THSD7A: variants seen among roughly 807,000 people sequenced by gnomAD.
The protein encoded by THSD7A is thrombospondin type-1 domain-containing protein 7A.
In THSD7A, 96 loss-of-function variants were observed where a neutral mutation model predicts 231.3. The observed-to-expected ratio is 0.41, with a 90% CI of 0.35 to 0.49. The LOEUF (loss-of-function observed/expected upper bound fraction) is 0.49, where lower values mean the gene tolerates loss of function less well. THSD7A is among the 20% of genes least tolerant of loss of function. The pLI is 0.05. For missense variants in THSD7A, 2,290 were observed against 2,070.2 expected, an observed-to-expected ratio of 1.11 and a Z score of -2.06; for synonymous variants, 940 against 743.3, an observed-to-expected ratio of 1.26 and a Z score of -4.30.
chr7:11,550,774 C>G (rs1789595805), intron 4 of THSD7A, among the ~76,000 whole-genome samples: 1 of 152,046 alleles, frequency 6.6e-6, no homozygotes, highest in East Asian at 1.9e-4. Flanking sequence ...CCATTCTGCC[C>G]AAAACAATTT....
intron 4 of THSD7A, among the ~76,000 whole-genome samples, chr7:11,559,798 C>T (rs971033550): frequency 6.6e-6 from 1 of 152,094 alleles, no homozygotes; most frequent in Non-Finnish European, 1.5e-5. Context: ...TTTGATAACA[C>T]TAAGTGCTGG....
chr7:11,758,698 A>G (rs1391238058), intron 1 of THSD7A, among the ~76,000 whole-genome samples: 1 of 152,106 alleles, frequency 6.6e-6, no homozygotes, highest in Non-Finnish European at 1.5e-5. Context: ...AAAGTATCCT[A>G]TGAGAGTTCA....
intron 6 of THSD7A, among the ~76,000 whole-genome samples, chr7:11,514,746 C>T (rs1433312663): frequency 3.3e-5 from 5 of 152,226 alleles, no homozygotes; most frequent in South Asian, 2.1e-4. Flanking sequence ...AACAATACTA[C>T]GTGTGCTTAC....
intron 6 of THSD7A, among the ~76,000 whole-genome samples, chr7:11,486,574 C>T (rs878906025): frequency 7.0e-6 from 1 of 143,208 alleles, no homozygotes; most frequent in Non-Finnish European, 1.5e-5. Flanking sequence ...AGTTCTATCA[C>T]TGGTGTAGGT....
intron 13 of THSD7A, among the ~76,000 whole-genome samples, chr7:11,437,532 A>T (rs1170235143): frequency 6.6e-6 from 1 of 152,086 alleles, no homozygotes; most frequent in Non-Finnish European, 1.5e-5. Flanking sequence ...GTGAATGATA[A>T]CTGCAAAAGC....
intron 11 of THSD7A, among the ~76,000 whole-genome samples, chr7:11,452,366 C>G (rs1201097539): frequency 6.6e-6 from 1 of 151,942 alleles, no homozygotes; most frequent in African/African-American, 2.4e-5. Flanking sequence ...TATAATGATC[C>G]TGGTCTTTCT....
intron 2 of THSD7A, among the ~76,000 whole-genome samples, chr7:11,595,175 C>T (rs1370835391): frequency 3.3e-5 from 5 of 152,166 alleles, no homozygotes; most frequent in Non-Finnish European, 2.9e-5. Context: ...GGAGCCACCC[C>T]CAACACCCCT....
intron 24 of THSD7A, among the ~76,000 whole-genome samples, chr7:11,380,357 A>G (rs918376998): frequency 1.3e-5 from 2 of 152,146 alleles, no homozygotes; most frequent in African/African-American, 2.4e-5. Flanking sequence ...TGAGGTTTTA[A>G]GATGGAAATA....
intron 1 of THSD7A, among the ~76,000 whole-genome samples, chr7:11,671,592 A>G (rs1418371341): frequency 6.6e-6 from 1 of 152,168 alleles, no homozygotes; most frequent in Non-Finnish European, 1.5e-5. Flanking sequence ...ACATAAAATA[A>G]TCTTTGTTGT....
chr7:11,715,938 G>A (rs971815748), intron 1 of THSD7A, among the ~76,000 whole-genome samples: 1 of 151,386 alleles, frequency 6.6e-6, no homozygotes, highest in Non-Finnish European at 1.5e-5. Flanking sequence ...ATTAAGGTAC[G>A]AAATAAAAAT....
intron 3 of THSD7A, among the ~76,000 whole-genome samples, chr7:11,592,190 C>A (rs142503540): frequency 2.6e-4 from 40 of 152,258 alleles, no homozygotes; most frequent in African/African-American, 9.4e-4. Flanking sequence ...AGGTTTCAGT[C>A]ACTTTTCACA....
Position 11,444,900 on chromosome 7 carries a change from G to A in THSD7A, c.3064+1161C>T, listed in dbSNP as rs1440616120. Among the ~76,000 whole-genome samples the A allele has an allele frequency of 6.9e-6, 1 of 145,890 alleles. No individual in the cohort carries two copies. Among genetic ancestry groups the A allele is most frequent in the African/African-American group, 2.5e-5 (1 of 40,014 alleles). ...TAACTATTTTATATATATATAAAAT[G>A]CTGTATATATATAATGAAACTATAT... is the stretch of plus-strand genomic sequence containing the variant. On this transcript the variant is annotated intron_variant, in intron 13 of 27. Transcript: ENST00000423059. This position sits in a 1 kb window ranked among gnomAD's most constrained non-coding sequence, Gnocchi z 4.2.
At chr7:11,724,377 T>C (rs1469497031) in intron 1 of THSD7A, among the ~76,000 whole-genome samples, 1 of 151,918 alleles carries the variant, frequency 6.6e-6, no homozygotes, top group Non-Finnish European at 1.5e-5. Flanking sequence ...TATCCCTTTA[T>C]TAAACACTTC....
chr7:11,702,590 T>C (rs756068444), intron 1 of THSD7A, among the ~76,000 whole-genome samples: 16 of 151,212 alleles, frequency 1.1e-4, no homozygotes, highest in Admixed American at 7.9e-4. Context: ...CTTAGGTCAA[T>C]TGAATTGCAG....
At chr7:11,808,372 C>T (rs531031534) in intron 1 of THSD7A, among the ~76,000 whole-genome samples, 3 of 152,290 alleles carry the variant, frequency 2.0e-5, no homozygotes, top group African/African-American at 7.2e-5. Context: ...GACACAGCAT[C>T]CCTCACCTTC....
intron 4 of THSD7A, among the ~76,000 whole-genome samples, chr7:11,548,181 C>T (rs62432859): frequency 0.012 from 1,768 of 152,118 alleles, 35 homozygotes; most frequent in Non-Finnish European, 0.013. Context: ...GGTGACATAA[C>T]CAGTGACCCC....
intron 1 of THSD7A, among the ~76,000 whole-genome samples, chr7:11,823,539 T>C (rs1010708013): frequency 1.6e-4 from 24 of 152,116 alleles, no homozygotes; most frequent in African/African-American, 1.7e-4. Flanking sequence ...TGTAGATTTC[T>C]TTGGGCAGAA....
At chr7:11,829,507 A>G (rs7785519) in intron 1 of THSD7A, among the ~76,000 whole-genome samples, 8,068 of 152,158 alleles carry the variant, frequency 0.053, 669 homozygotes, top group African/African-American at 0.18. Flanking sequence ...CCAGTGTAAC[A>G]ACTTTCACTA....
At chr7:11,635,327 C>G (rs1408874178) in intron 2 of THSD7A, among the ~76,000 whole-genome samples, 1 of 152,108 alleles carries the variant, frequency 6.6e-6, no homozygotes, top group Non-Finnish European at 1.5e-5. Flanking sequence ...ATGCAAATAT[C>G]CAGATAAGCC....
Sources: gnomAD v4.1 joint callset for allele counts (sites outside exome capture counted in the v4.1 genomes callset) on GRCh38, gnomAD v4.1.1 for gene constraint, Gnocchi (gnomAD v3.1) non-coding constraint, MANE v1.5 for transcripts, NCBI Gene and HGNC (gene_info 2026-07-23, HGNC 2026-07-21) for gene names.